Variants in ROBO1 observed in about 807,000 individuals in gnomAD.
The protein encoded by ROBO1 is roundabout homolog 1.
Under a neutral mutation model 195.9 loss-of-function variants are expected in ROBO1, and 149 were observed. The observed-to-expected ratio is 0.76, with a 90% CI of 0.67 to 0.87. ROBO1 has a LOEUF of 0.87. Ranked by LOEUF, ROBO1 falls within the 40% of genes least tolerant of loss-of-function variation. The probability of loss-of-function intolerance (pLI) is 0.00; values close to 1 mark genes in which losing one functional copy is unlikely to be tolerated. For synonymous variants in ROBO1, 816 were observed against 733.2 expected (o/e 1.11, Z -1.82); for missense variants, 1,933 against 2,068.3 (o/e 0.93, Z 1.27).
At chr3:78,818,275 C>T (rs2030370337) in intron 4 of ROBO1, among the ~76,000 whole-genome samples, 1 of 152,164 alleles carries the variant, frequency 6.6e-6, no homozygotes, top group Non-Finnish European at 1.5e-5. Context: ...TAGGTTGCCG[C>T]TGGTACTGTG....
intron 2 of ROBO1, among the ~76,000 whole-genome samples, chr3:79,231,156 A>G (rs1023412933): frequency 6.6e-6 from 1 of 152,126 alleles, no homozygotes; most frequent in Non-Finnish European, 1.5e-5. Flanking sequence ...GGACATAGGC[A>G]CAGACAAGGA....
intron 1 of ROBO1, among the ~76,000 whole-genome samples, chr3:79,754,707 A>G (rs1017124387): frequency 1.3e-5 from 2 of 152,196 alleles, no homozygotes; most frequent in African/African-American, 4.8e-5. Context: ...TAGTTTTCCA[A>G]CCAAAATCTT....
chr3:78,738,947 T>G (rs528886771), intron 5 of ROBO1, among the ~76,000 whole-genome samples: 8 of 152,172 alleles, frequency 5.3e-5, no homozygotes, highest in Non-Finnish European at 1.0e-4. Flanking sequence ...TCTAAATTAT[T>G]TTTTCAATCA....
At chr3:78,649,238 T>C (rs1032966) in intron 19 of ROBO1, among the ~76,000 whole-genome samples, 133,751 of 152,064 alleles carry the variant, frequency 0.88, 59,370 homozygotes, top group Non-Finnish European at 0.93. Context: ...TGAAAGGTCC[T>C]TGTCATTACT....
chr3:79,374,451 G>A (rs541499304), intron 2 of ROBO1, among the ~76,000 whole-genome samples: 1 of 152,154 alleles, frequency 6.6e-6, no homozygotes, highest in African/African-American at 2.4e-5. Flanking sequence ...GCTACTTAAT[G>A]ACATTGACCA....
At chr3:78,821,865 A>G (rs1322896154) in intron 4 of ROBO1, among the ~76,000 whole-genome samples, 1 of 152,162 alleles carries the variant, frequency 6.6e-6, no homozygotes, top group Admixed American at 6.5e-5. Flanking sequence ...AGATCCTGAG[A>G]CAGGCTTTGA....
chr3:79,651,648 T>C (rs561226278), intron 1 of ROBO1, among the ~76,000 whole-genome samples: 2 of 152,220 alleles, frequency 1.3e-5, no homozygotes, highest in Admixed American at 6.5e-5. Context: ...AGACCAGCCA[T>C]TGCACTGCTT....
intron 3 of ROBO1, among the ~76,000 whole-genome samples, chr3:79,050,120 A>T (rs2078669004): frequency 6.6e-6 from 1 of 152,150 alleles, no homozygotes; most frequent in African/African-American, 2.4e-5. Flanking sequence ...AACAGTCAAG[A>T]CCCATTGGTG....
At chr3:79,596,296 C>T (rs905585320) in intron 1 of ROBO1, among the ~76,000 whole-genome samples, 3 of 151,994 alleles carry the variant, frequency 2.0e-5, no homozygotes, top group Non-Finnish European at 4.4e-5. Flanking sequence ...AATATACTAT[C>T]TTCATGTCAG....
intron 28 of ROBO1, among the ~76,000 whole-genome samples, chr3:78,613,277 G>T (rs1045971564): frequency 6.6e-6 from 1 of 152,086 alleles, no homozygotes; most frequent in Non-Finnish European, 1.5e-5. Flanking sequence ...ATCCAGGCTT[G>T]ATGTTTGGTC....
intron 1 of ROBO1, among the ~76,000 whole-genome samples, chr3:79,658,805 G>C (rs1433288888): frequency 6.7e-6 from 1 of 150,248 alleles, no homozygotes; most frequent in Non-Finnish European, 1.5e-5. Flanking sequence ...GTCTCGCTCT[G>C]TCGCCCAGGC....
chr3:79,004,430 T>C (rs1194660754), intron 3 of ROBO1, among the ~76,000 whole-genome samples: 1 of 152,194 alleles, frequency 6.6e-6, no homozygotes, highest in Non-Finnish European at 1.5e-5. Context: ...GTTGTAAGTA[T>C]TTAACTAGAC....
intron 2 of ROBO1, among the ~76,000 whole-genome samples, chr3:79,254,227 T>A (rs1368995591): frequency 6.6e-6 from 1 of 152,170 alleles, no homozygotes; most frequent in Admixed American, 6.6e-5. Flanking sequence ...ATGTTTGATA[T>A]CAACAATATT....
At chr3:78,696,497 G>A (rs1483470554) in intron 8 of ROBO1, among the ~76,000 whole-genome samples, 2 of 152,024 alleles carry the variant, frequency 1.3e-5, no homozygotes, top group Non-Finnish European at 2.9e-5. Flanking sequence ...CTAACTCTCT[G>A]TACAAATTTT....
intron 2 of ROBO1, among the ~76,000 whole-genome samples, chr3:79,341,522 A>T (rs1257718445): frequency 1.3e-5 from 2 of 151,516 alleles, no homozygotes; most frequent in Non-Finnish European, 2.9e-5. Context: ...ATAATTACAG[A>T]TCGGGTGGGA....
intron 1 of ROBO1, among the ~76,000 whole-genome samples, chr3:79,767,377 G>A (rs540943680): frequency 1.2e-4 from 19 of 152,070 alleles, no homozygotes; most frequent in Non-Finnish European, 2.2e-4. Flanking sequence ...AAAGCGGCAC[G>A]AAACCTACTC....
intron 2 of ROBO1, among the ~76,000 whole-genome samples, chr3:79,169,149 C>A (rs937323479): frequency 3.9e-5 from 6 of 152,110 alleles, no homozygotes; most frequent in African/African-American, 1.4e-4. Flanking sequence ...TGAAAGTGGA[C>A]TATTGATGAC....
At chr3:79,106,631 G>A (rs967970207) in intron 3 of ROBO1, among the ~76,000 whole-genome samples, 2 of 151,370 alleles carry the variant, frequency 1.3e-5, no homozygotes, top group African/African-American at 4.8e-5. Flanking sequence ...CTAAATCCTA[G>A]ACCTACATTA....
intron 3 of ROBO1, among the ~76,000 whole-genome samples, chr3:79,088,886 A>G (rs2079425029): frequency 1.3e-5 from 2 of 152,076 alleles, no homozygotes; most frequent in South Asian, 4.1e-4. Flanking sequence ...ATATTTTAAT[A>G]AACCTTATGG....
Sources: allele counts gnomAD v4.1 joint callset (sites outside exome capture counted in the v4.1 genomes callset), GRCh38; gene constraint gnomAD v4.1.1; transcripts MANE v1.5; gene names NCBI Gene and HGNC (gene_info 2026-07-23, HGNC 2026-07-21).